The following CD2AP variants were observed in gnomAD, a reference collection of about 807,000 sequenced individuals.
CD2AP encodes the protein CD2-associated protein.
Under a neutral mutation model 85.1 loss-of-function variants are expected in CD2AP, and 46 were observed. The observed-to-expected ratio is 0.54, with a 90% CI of 0.43 to 0.69. The LOEUF is 0.69. Among genes scored for constraint, CD2AP ranks in the 30% least tolerant of loss-of-function variants. The pLI is 0.00. For synonymous variants in CD2AP, 255 were observed against 252.9 expected, an observed-to-expected ratio of 1.01 and a Z score of -0.08; for missense variants, 769 against 729.5, an observed-to-expected ratio of 1.05 and a Z score of -0.62.
Position 47,508,143 on chromosome 6 carries a change from C to G in CD2AP, c.165+4703C>G, listed in dbSNP as rs565392634. Among the ~76,000 whole-genome samples, 7 of 152,320 alleles carry G rather than the reference C, an allele frequency of 4.6e-5. No individual in the cohort carries two copies. In the South Asian group the frequency reaches 1.5e-3, roughly 32 times the overall value. On this transcript the variant is annotated intron_variant, in intron 2 of 17. Transcript: ENST00000359314. ...TCCCTAGCAAGAGAGTGAGCCTGTC[C>G]TTTGAAGCCTTGAAGCTAGGCTTTG...
Position 47,602,511 on chromosome 6 carries a change from T to G in CD2AP, c.1417+3068T>G, listed in dbSNP as rs377566971. Among the ~76,000 whole-genome samples the G allele has an allele frequency of 2.0e-5, 3 of 152,202 alleles. No individual in the cohort carries two copies. The East Asian group carries it at 5.8e-4, about 29-fold the overall frequency. ...ATAGAAAATTTTATAGTAACATAGC[T>G]GTTATATTAAGAAAGCCCAACTGAT... On this transcript the variant is annotated intron_variant, in intron 13 of 17. Transcript: ENST00000359314.
intron 5 of CD2AP, among the ~76,000 whole-genome samples, chr6:47,570,479 A>G (rs746199396): frequency 6.6e-6 from 1 of 152,132 alleles, no homozygotes; most frequent in Non-Finnish European, 1.5e-5. Flanking sequence ...TTGTCTCATT[A>G]TGGCACCTCC....
chr6:47,604,568 G>T (rs1180399106), intron 13 of CD2AP, among the ~76,000 whole-genome samples: 1 of 151,884 alleles, frequency 6.6e-6, no homozygotes, highest in Non-Finnish European at 1.5e-5. Flanking sequence ...GATTGTACTT[G>T]TTAAGGTTTT....
intron 5 of CD2AP, among the ~76,000 whole-genome samples, chr6:47,566,723 T>G (rs1290449302): frequency 6.6e-6 from 1 of 152,176 alleles, no homozygotes; most frequent in Non-Finnish European, 1.5e-5. Context: ...TGTTTGGTTT[T>G]CTGTTCCTGT....
intron 1 of CD2AP, among the ~76,000 whole-genome samples, chr6:47,479,117 G>A (rs1395146637): frequency 6.6e-6 from 1 of 152,124 alleles, no homozygotes; most frequent in Non-Finnish European, 1.5e-5. Flanking sequence ...AAAATTAAAA[G>A]CAACTTAAGA....
intron 17 of CD2AP, among the ~76,000 whole-genome samples, chr6:47,619,826 T>C (rs761118197): frequency 6.6e-6 from 1 of 152,240 alleles, no homozygotes; most frequent in Non-Finnish European, 1.5e-5. Flanking sequence ...ATTAGTGATG[T>C]TGAGCATTTC....
intron 16 of CD2AP, among the ~76,000 whole-genome samples, chr6:47,610,368 A>G (rs376891545): frequency 6.6e-6 from 1 of 152,192 alleles, no homozygotes; most frequent in Non-Finnish European, 1.5e-5. Flanking sequence ...CTTGTCTTCA[A>G]ATTCCCTTCT....
chr6:47,610,971 A>ATATATATATATATATTTTTT, intron 16 of CD2AP, among the ~76,000 whole-genome samples: 3 of 112,870 alleles, frequency 2.7e-5, no homozygotes, highest in African/African-American at 3.6e-5. Flanking sequence ...ATATATATGT[A>ATATATATATATATATTTTTT]TTTTTTTTTT....
chr6:47,519,455 T>C (rs1051640289), intron 2 of CD2AP, among the ~76,000 whole-genome samples: 1 of 152,194 alleles, frequency 6.6e-6, no homozygotes, highest in Admixed American at 6.5e-5. Context: ...GGAATCAGGA[T>C]GTGTAGACCT....
chr6:47,504,637 T>C (rs1412989547), intron 2 of CD2AP, among the ~76,000 whole-genome samples: 1 of 152,158 alleles, frequency 6.6e-6, no homozygotes, highest in Non-Finnish European at 1.5e-5. Context: ...TTGTGGAGCC[T>C]GCGGATGTGG....
chr6:47,554,255 A>C (rs974125482), intron 4 of CD2AP, among the ~76,000 whole-genome samples: 1 of 152,186 alleles, frequency 6.6e-6, no homozygotes, highest in Non-Finnish European at 1.5e-5. Flanking sequence ...TCAAATAAAA[A>C]ATTTCCAAAT....
chr6:47,585,101 G>T (rs556374655), intron 11 of CD2AP, among the ~76,000 whole-genome samples: 6 of 151,744 alleles, frequency 4.0e-5, no homozygotes, highest in Non-Finnish European at 8.8e-5. Context: ...AGACCATCCT[G>T]GCTAACACGG....
At position 47,610,972 on chromosome 6, in the gene CD2AP, T is replaced by TA. The variant is rs1491427733; in HGVS notation, c.1815-1501_1815-1500insA. Reference sequence around the variant, plus strand: ...ATTTATATATATATATATATATGTATTTTTTTTTTTTTTTGAATATAAAAC... The same window carrying TA: ...ATTTATATATATATATATATATGTATATTTTTTTTTTTTTTGAATATAAAAC... On this transcript the variant is annotated intron_variant, in intron 16 of 17. Transcript: ENST00000359314. Among the ~76,000 whole-genome samples, 597 of 56,166 alleles carry TA rather than the reference T, an allele frequency of 0.011. 9 individuals are homozygous for TA. In the East Asian group the frequency reaches 0.12, roughly 12 times the overall value. 36.8% of individuals were successfully genotyped at this position (56,166 alleles called of 152,430 possible). A position where few individuals can be genotyped will look rare whatever the true frequency, so the allele number is the denominator to read the frequency against.
chr6:47,496,121 T>C (rs1352164958), intron 1 of CD2AP, among the ~76,000 whole-genome samples: 1 of 152,216 alleles, frequency 6.6e-6, no homozygotes, highest in East Asian at 1.9e-4. Context: ...TTTCCTTTGC[T>C]GTTCTCAGAG....
chr6:47,540,601 ACTAC>A, intron 3 of CD2AP, among the ~76,000 whole-genome samples: 1 of 152,186 alleles, frequency 6.6e-6, no homozygotes, highest in East Asian at 1.9e-4. Flanking sequence ...GTTAATACAA[ACTAC>A]TTGGGAAAAA....
At chr6:47,484,105 T>C (rs1765510154) in intron 1 of CD2AP, among the ~76,000 whole-genome samples, 1 of 152,166 alleles carries the variant, frequency 6.6e-6, no homozygotes, top group East Asian at 1.9e-4. Context: ...TCTTTGGCAA[T>C]ACTCCCTCAT....
At chr6:47,551,788 A>G (rs1025324362) in intron 4 of CD2AP, among the ~76,000 whole-genome samples, 2 of 152,168 alleles carry the variant, frequency 1.3e-5, no homozygotes, top group Admixed American at 6.5e-5. Flanking sequence ...TCACTCACAT[A>G]TCTGGTGCCT....
At chr6:47,524,619 T>C (rs927857448) in intron 2 of CD2AP, among the ~76,000 whole-genome samples, 8 of 74,024 alleles carry the variant, frequency 1.1e-4, no homozygotes, top group East Asian at 2.7e-4. Flanking sequence ...TGTTTTTTTT[T>C]CCACTGTACT....
intron 11 of CD2AP, among the ~76,000 whole-genome samples, chr6:47,589,870 T>C (rs1768745674): frequency 6.6e-6 from 1 of 152,014 alleles, no homozygotes; most frequent in African/African-American, 2.4e-5. Flanking sequence ...TTGGAGGAAG[T>C]ATGAAATGGA....
Sources: allele counts gnomAD v4.1 joint callset (sites outside exome capture counted in the v4.1 genomes callset), GRCh38; gene constraint gnomAD v4.1.1; transcripts MANE v1.5; gene names NCBI Gene and HGNC (gene_info 2026-07-23, HGNC 2026-07-21).